Variants in HDAC9 observed in about 807,000 individuals in gnomAD.
The protein encoded by HDAC9 is MEF-2 interacting transcription repressor (MITR) protein.
A neutral mutation model predicts 139.4 loss-of-function variants in HDAC9; 41 were observed. The observed-to-expected ratio is 0.29, with a 90% CI of 0.23 to 0.38. The LOEUF (loss-of-function observed/expected upper bound fraction) is 0.38. Among genes scored for constraint, HDAC9 ranks in the 10% least tolerant of loss-of-function variants. The pLI is 1.00. For missense variants in HDAC9, 1,147 were observed against 1,297.0 expected (o/e 0.88, Z 1.78); for synonymous variants, 517 against 476.2 (o/e 1.09, Z -1.12).
At chr7:18,426,757 C>A (rs1264938393) in intron 1 of HDAC9, among the ~76,000 whole-genome samples, 1 of 152,098 alleles carries the variant, frequency 6.6e-6, no homozygotes, top group Non-Finnish European at 1.5e-5. Context: ...TTGTGTTATT[C>A]AAGATGACTT....
intron 2 of HDAC9, among the ~76,000 whole-genome samples, chr7:18,170,220 G>A (rs569443536): frequency 6.6e-6 from 1 of 152,324 alleles, no homozygotes; most frequent in Admixed American, 6.5e-5. Context: ...GTGATGATGA[G>A]CATTTTTTCG....
rs1045630580 is a variant in HDAC9, at chr7:18,108,779, A to G, written c.-97+21566A>G. On this transcript the variant is annotated intron_variant, in intron 1 of 12. Coordinates refer to the HDAC9 transcript ENST00000417496. Reference sequence around the variant, plus strand: ...TAGGATTACAGGCGCGTGCCACCACACCCAGCTAATTTTTGTATTTTTAGT... The same window carrying G: ...TAGGATTACAGGCGCGTGCCACCACGCCCAGCTAATTTTTGTATTTTTAGT... Among the ~76,000 whole-genome samples, 3 of 151,714 alleles carry G rather than the reference A, an allele frequency of 2.0e-5. No individual in the cohort carries two copies. In the South Asian group the frequency reaches 6.3e-4, roughly 32 times the overall value.
chr7:18,961,255 C>T (rs1010375469), intron 24 of HDAC9, among the ~76,000 whole-genome samples: 4 of 152,140 alleles, frequency 2.6e-5, no homozygotes, highest in East Asian at 1.9e-4. Flanking sequence ...GCCTGCAAAT[C>T]GAAAGATCAC....
At chr7:18,694,458 G>T (rs894209063) in intron 12 of HDAC9, among the ~76,000 whole-genome samples, 1 of 152,088 alleles carries the variant, frequency 6.6e-6, no homozygotes, top group Non-Finnish European at 1.5e-5. Context: ...AATGGGGTTG[G>T]TGTCTCGGGA....
intron 1 of HDAC9, among the ~76,000 whole-genome samples, chr7:18,451,411 G>A (rs1278973191): frequency 7.2e-6 from 1 of 139,610 alleles, no homozygotes; most frequent in Non-Finnish European, 1.6e-5. Flanking sequence ...GTATATATGT[G>A]TGTGTGTGTG....
chr7:18,944,931 T>C (rs1404094297), intron 23 of HDAC9, among the ~76,000 whole-genome samples: 3 of 152,226 alleles, frequency 2.0e-5, no homozygotes, highest in Admixed American at 6.5e-5. Flanking sequence ...TGTCACAGTT[T>C]ATTTACATAT....
intron 1 of HDAC9, among the ~76,000 whole-genome samples, chr7:18,398,751 C>G (rs1787279149): frequency 6.6e-6 from 1 of 152,068 alleles, no homozygotes; most frequent in African/African-American, 2.4e-5. Context: ...AGCTAAGACT[C>G]TATATGCTGT....
At chr7:18,765,522 G>A (rs904340042) in intron 15 of HDAC9, among the ~76,000 whole-genome samples, 2 of 152,012 alleles carry the variant, frequency 1.3e-5, no homozygotes, top group East Asian at 1.9e-4. Context: ...GGGAGGCTGA[G>A]GCAGAAGAAT....
At chr7:18,746,556 G>A (rs1431026644) in intron 13 of HDAC9, among the ~76,000 whole-genome samples, 1 of 152,050 alleles carries the variant, frequency 6.6e-6, no homozygotes, top group East Asian at 1.9e-4. Context: ...GGAAGATAAG[G>A]GACATAAAAT....
chr7:18,942,821 A>C (rs1214012869), intron 23 of HDAC9, among the ~76,000 whole-genome samples: 1 of 151,972 alleles, frequency 6.6e-6, no homozygotes, highest in East Asian at 1.9e-4. Flanking sequence ...TAGGACTACT[A>C]CTTGGACAGT....
intron 2 of HDAC9, among the ~76,000 whole-genome samples, chr7:18,217,259 TC>T (rs1435642967): frequency 1.3e-5 from 2 of 152,092 alleles, no homozygotes; most frequent in Non-Finnish European, 2.9e-5. Context: ...GTGTTTTTCA[TC>T]CCCCTTTTGT....
chr7:18,240,045 C>A (rs1794090034), intron 2 of HDAC9, among the ~76,000 whole-genome samples: 1 of 149,552 alleles, frequency 6.7e-6, no homozygotes, highest in Non-Finnish European at 1.5e-5. Flanking sequence ...TCGGTCTCAT[C>A]TCCTTAACAA....
intron 2 of HDAC9, among the ~76,000 whole-genome samples, chr7:18,547,857 T>TTCCTTCCTTCCC (rs1563229989): frequency 1.7e-5 from 2 of 118,452 alleles, no homozygotes; most frequent in East Asian, 2.4e-4. Flanking sequence ...CCTTCCTTCC[T>TTCCTTCCTTCCC]ACCCTCCCTC....
chr7:18,988,765 T>C (rs1181017609), intron 25 of HDAC9, among the ~76,000 whole-genome samples: 2 of 151,796 alleles, frequency 1.3e-5, no homozygotes, highest in Non-Finnish European at 2.9e-5. Flanking sequence ...GGTGCATATA[T>C]ATTTAGGATA....
intron 2 of HDAC9, among the ~76,000 whole-genome samples, chr7:18,184,903 T>C (rs1789785368): frequency 6.6e-6 from 1 of 152,210 alleles, no homozygotes; most frequent in South Asian, 2.1e-4. Context: ...TCTTAAAAAA[T>C]ACTGCAGAGC....
At chr7:18,808,035 G>A (rs1298394439) in intron 17 of HDAC9, 2 of 152,124 alleles carry the variant, frequency 1.3e-5, no homozygotes, top group South Asian at 2.1e-4. Flanking sequence ...GGATAATCTT[G>A]CTACTTCTTG....
chr7:18,963,256 C>A (rs1417478427), intron 24 of HDAC9, among the ~76,000 whole-genome samples: 1 of 152,044 alleles, frequency 6.6e-6, no homozygotes, highest in Non-Finnish European at 1.5e-5. Context: ...CTATAATGCA[C>A]AAGAAATCTT....
At chr7:18,824,044 G>GGAAGAA (rs1554367872) in intron 17 of HDAC9, among the ~76,000 whole-genome samples, 6,545 of 67,158 alleles carry the variant, frequency 0.097, 464 homozygotes, top group Admixed American at 0.17. Context: ...AAGAGGAAGA[G>GGAAGAA]GAAGAAGAAG....
At chr7:18,857,021 C>G (rs575225864) in intron 21 of HDAC9, among the ~76,000 whole-genome samples, 1 of 152,112 alleles carries the variant, frequency 6.6e-6, no homozygotes, top group Non-Finnish European at 1.5e-5. Context: ...CTTTTTCTTT[C>G]TCCGATTTCT....
Sources: gnomAD v4.1 joint callset for allele counts (sites outside exome capture counted in the v4.1 genomes callset) on GRCh38, gnomAD v4.1.1 for gene constraint, MANE v1.5 for transcripts, NCBI Gene and HGNC (gene_info 2026-07-23, HGNC 2026-07-21) for gene names.